DMXL2: variants seen among roughly 807,000 people sequenced by gnomAD.
DMXL2 encodes dmX-like protein 2.
DMXL2 carries 103 observed loss-of-function variants against 331.1 expected under a neutral mutation model. That is an observed-to-expected ratio of 0.31 (90% CI 0.27 to 0.37). DMXL2 has a LOEUF of 0.37. DMXL2 is among the 10% of genes least tolerant of loss of function. The pLI is 1.00. For missense variants in DMXL2, 3,171 were observed against 3,642.9 expected (o/e 0.87, Z 3.33); for synonymous variants, 1,281 against 1,252.1 (o/e 1.02, Z -0.49).
chr15:51,476,564 T>A (rs1479753519), intron 27 of DMXL2, 25 bp downstream of exon 27: 9 of 1,592,018 alleles, frequency 5.7e-6, no homozygotes, highest in Non-Finnish European at 7.7e-6. Flanking sequence ...GAAGATTTTT[T>A]TTTTTTAATC....
chr15:51,536,902 C>T (rs756639520), intron 11 of DMXL2, 40 bp from the exon 12 acceptor site: 1 of 1,479,532 alleles, frequency 6.8e-7, no homozygotes, highest in Admixed American at 2.2e-5. Flanking sequence ...AAATAGTTTA[C>T]CTCCTCTCAA....
intron 2 of DMXL2, among the ~76,000 whole-genome samples, chr15:51,569,514 C>T (rs1198895307): frequency 2.6e-5 from 4 of 152,182 alleles, no homozygotes; most frequent in Admixed American, 1.3e-4. Flanking sequence ...GGTCCCTGAC[C>T]CCCCCGTGTA....
At chr15:51,569,263 T>A (rs988665937) in intron 2 of DMXL2, among the ~76,000 whole-genome samples, 14 of 152,058 alleles carry the variant, frequency 9.2e-5, no homozygotes, top group Non-Finnish European at 5.9e-5. Context: ...AGGAGGTGCA[T>A]CCGCCATTGC....
At chr15:51,555,875 G>T (rs541280260) in intron 6 of DMXL2, among the ~76,000 whole-genome samples, 1 of 152,222 alleles carries the variant, frequency 6.6e-6, no homozygotes, top group Admixed American at 6.5e-5. Context: ...GGCTTCACCA[G>T]CAAATACTTA....
At position 51,458,496 on chromosome 15, in the gene DMXL2, T is replaced by C. The variant is rs751637022; in HGVS notation, c.8198+10A>G. On this transcript the variant is annotated intron_variant, in intron 36 of 43. Transcript: ENST00000560891. ...AGAAAACTATATGTAAAAGTGACTA[T>C]GAGACAAACCTTTTGGATTCTCTGT... The C allele has an allele frequency of 1.2e-6, 2 of 1,611,864 alleles. No individual in the cohort carries two copies. The highest frequency in any genetic ancestry group is 1.7e-6 in the Non-Finnish European group (2 of 1,178,742).
Position 51,538,238 on chromosome 15 carries a change from C to A in DMXL2, c.1320G>T (p.Arg440=). The change falls in exon 10 of 44, where the codon CGG becomes CGT. Residue 440 remains arginine, a synonymous_variant. Transcript: ENST00000560891. ...DEEHSQEDRE[R]GLHMKLDHDL... ...CATGGTCTAATTTCATATGTAAACC[C>A]CGTTCTCTATCCTCCTGTGAATGTT... The A allele has an allele frequency of 1.2e-6, 2 of 1,613,244 alleles. No homozygotes were observed. The highest frequency in any genetic ancestry group is 4.5e-5 in the East Asian group (2 of 44,794).
intron 6 of DMXL2, among the ~76,000 whole-genome samples, chr15:51,559,345 A>C (rs960477745): frequency 6.6e-6 from 1 of 152,256 alleles, no homozygotes; most frequent in Non-Finnish European, 1.5e-5. Context: ...ACTTTCTTTT[A>C]AATCAGTCAT....
chr15:51,508,735 T>A (rs989464701), intron 15 of DMXL2, among the ~76,000 whole-genome samples: 3 of 152,202 alleles, frequency 2.0e-5, no homozygotes, highest in African/African-American at 7.2e-5. Flanking sequence ...AAACTGTCAA[T>A]TAAATGGAAA....
At chr15:51,526,310 T>C (rs2047673272) in intron 13 of DMXL2, among the ~76,000 whole-genome samples, 1 of 152,176 alleles carries the variant, frequency 6.6e-6, no homozygotes, top group South Asian at 2.1e-4. Flanking sequence ...ATCAAGGCAG[T>C]ACCTCGAAGA....
rs950012694 is a variant in DMXL2 at position 51,547,121 on chromosome 15, C to T, written c.746+109G>A. Reference sequence around the variant, plus strand: ...GATTTGATTTCAGGCAGCTTGATGCCAGAGCCTATGCTATTAATTGCCACC... The same window carrying T: ...GATTTGATTTCAGGCAGCTTGATGCTAGAGCCTATGCTATTAATTGCCACC... On this transcript the variant is annotated intron_variant, in intron 7 of 43. Transcript: ENST00000560891. 78 of 724,482 alleles carry T rather than the reference C, an allele frequency of 1.1e-4. No homozygotes were observed. The African/African-American group carries it at 1.2e-3, about 11-fold the overall frequency. 44.9% of individuals were successfully genotyped at this position (724,482 alleles called of 1,614,324 possible).
At chr15:51,464,562 G>T in intron 32 of DMXL2, 113 bp downstream of exon 32, 1 of 795,902 alleles carries the variant, frequency 1.3e-6, no homozygotes, top group Non-Finnish European at 2.0e-6. Context: ...GCTAAAAATA[G>T]GACTGCAGGT....
chr15:51,471,695 G>C (rs1766368720), intron 28 of DMXL2, among the ~76,000 whole-genome samples: 1 of 152,188 alleles, frequency 6.6e-6, no homozygotes, highest in Admixed American at 6.5e-5. Flanking sequence ...ATATTAAAGT[G>C]AGTGATTGAC....
chr15:51,479,534 A>G (rs1359313276), intron 25 of DMXL2, among the ~76,000 whole-genome samples: 3 of 152,196 alleles, frequency 2.0e-5, no homozygotes, highest in East Asian at 1.9e-4. Context: ...GGAAACAGTA[A>G]TAAGGACACT....
At chr15:51,568,808 A>C (rs1423242298) in intron 2 of DMXL2, among the ~76,000 whole-genome samples, 2 of 152,150 alleles carry the variant, frequency 1.3e-5, no homozygotes, top group Non-Finnish European at 2.9e-5. Context: ...ATTTGGATGG[A>C]CAGCTGCCAA....
At chr15:51,564,966 T>C in intron 4 of DMXL2, 122 bp downstream of exon 4, 2 of 589,330 alleles carry the variant, frequency 3.4e-6, no homozygotes, top group Non-Finnish European at 5.3e-6. Context: ...ATTATATTCA[T>C]CAACAAAAAG....
At chr15:51,457,161 G>T in intron 37 of DMXL2, 167 bp downstream of exon 37, 1 of 764,930 alleles carries the variant, frequency 1.3e-6, no homozygotes, top group Non-Finnish European at 2.0e-6. Flanking sequence ...GACAGAGCCA[G>T]ACCCTGTCAC....
At chr15:51,510,226 G>A (rs2046674468) in intron 15 of DMXL2, among the ~76,000 whole-genome samples, 1 of 152,132 alleles carries the variant, frequency 6.6e-6, no homozygotes. Context: ...GCAAGAGAAA[G>A]CAATAAAGGG....
chr15:51,562,718 G>A (rs928212557), intron 6 of DMXL2, among the ~76,000 whole-genome samples: 18 of 152,264 alleles, frequency 1.2e-4, no homozygotes, highest in African/African-American at 4.3e-4. Flanking sequence ...AGAATAATCT[G>A]TACAATCTTA....
intron 22 of DMXL2, among the ~76,000 whole-genome samples, 192 bp from the exon 23 acceptor site, chr15:51,486,529 T>C (rs550822908): frequency 3.3e-5 from 5 of 152,236 alleles, no homozygotes; most frequent in African/African-American, 1.2e-4. Context: ...ACCCAGTAGC[T>C]TCCAAACTAG....
Sources: allele counts gnomAD v4.1 joint callset (sites outside exome capture counted in the v4.1 genomes callset), GRCh38; gene constraint gnomAD v4.1.1; transcripts MANE v1.5; gene names NCBI Gene and HGNC (gene_info 2026-07-23, HGNC 2026-07-21).